Variants in GRM5 observed in about 807,000 individuals in gnomAD.
GRM5 encodes glutamate metabotropic receptor 5, also known as metabotropic glutamate receptor 5.
GRM5 carries 19 observed loss-of-function variants against 83.1 expected under a neutral mutation model. The ratio of observed to expected loss-of-function variants is 0.23; its 90% CI spans 0.16 to 0.34. The LOEUF is 0.34. Ranked by LOEUF, GRM5 falls within the 10% of genes least tolerant of loss-of-function variation. The pLI, the probability that GRM5 is intolerant of heterozygous loss-of-function variation, is 1.00. For missense variants in GRM5, 1,160 were observed against 1,588.3 expected, an observed-to-expected ratio of 0.73 and a Z score of 4.58; for synonymous variants, 675 against 633.6, an observed-to-expected ratio of 1.07 and a Z score of -0.98.
intron 2 of GRM5, among the ~76,000 whole-genome samples, chr11:89,003,811 G>C (rs530247194): frequency 6.6e-6 from 1 of 152,174 alleles, no homozygotes; most frequent in African/African-American, 2.4e-5. Context: ...GTAGTGTTTT[G>C]TGTTTGATCC....
At chr11:88,806,858 T>C (rs1008690305) in intron 3 of GRM5, among the ~76,000 whole-genome samples, 6 of 152,194 alleles carry the variant, frequency 3.9e-5, no homozygotes, top group African/African-American at 9.6e-5. Flanking sequence ...CCAGATAGTA[T>C]TGTTACCTCT....
At chr11:89,043,529 CTGTTT>C (rs561369835) in intron 2 of GRM5, among the ~76,000 whole-genome samples, 142 of 151,270 alleles carry the variant, frequency 9.4e-4, no homozygotes, top group African/African-American at 3.3e-3. Flanking sequence ...AGCATATATT[CTGTTT>C]TATTTCATAT....
intron 3 of GRM5, among the ~76,000 whole-genome samples, chr11:88,846,860 A>G (rs1944310812): frequency 6.6e-6 from 1 of 152,168 alleles, no homozygotes; most frequent in Non-Finnish European, 1.5e-5. Context: ...CACTGATATA[A>G]AATACTAATT....
chr11:88,939,688 G>A (rs1340774398), intron 2 of GRM5, among the ~76,000 whole-genome samples: 4 of 151,586 alleles, frequency 2.6e-5, no homozygotes, highest in African/African-American at 4.8e-5. Context: ...ATTCTAATAC[G>A]TATGTGTGCG....
intron 2 of GRM5, among the ~76,000 whole-genome samples, chr11:88,980,220 C>G (rs988200976): frequency 1.6e-4 from 25 of 152,112 alleles, no homozygotes; most frequent in African/African-American, 6.0e-4. Flanking sequence ...AATACAATAT[C>G]TCTATTACCT....
At chr11:88,794,844 T>C (rs1446938431) in intron 3 of GRM5, among the ~76,000 whole-genome samples, 1 of 152,200 alleles carries the variant, frequency 6.6e-6, no homozygotes, top group Non-Finnish European at 1.5e-5. Flanking sequence ...TCCTCCTAGA[T>C]GGGCTACACA....
At chr11:88,687,530 A>ACACATATATAT (rs1565186971) in intron 3 of GRM5, among the ~76,000 whole-genome samples, 3 of 20,536 alleles carry the variant, frequency 1.5e-4, no homozygotes, top group Admixed American at 8.0e-4. Flanking sequence ...ACACACATAC[A>ACACATATATAT]TATATATACA....
At chr11:88,931,810 T>C (rs1937714406) in intron 2 of GRM5, among the ~76,000 whole-genome samples, 1 of 152,176 alleles carries the variant, frequency 6.6e-6, no homozygotes, top group Admixed American at 6.6e-5. Context: ...TTTGAGGCTT[T>C]TTCATGGTTC....
chr11:88,647,258 G>T (rs1435547569), intron 4 of GRM5, among the ~76,000 whole-genome samples: 1 of 151,982 alleles, frequency 6.6e-6, no homozygotes, highest in Non-Finnish European at 1.5e-5. Flanking sequence ...TTCTAAAGAA[G>T]ATCATACTTT....
chr11:89,005,419 A>G (rs1940497432), intron 2 of GRM5, among the ~76,000 whole-genome samples: 1 of 152,202 alleles, frequency 6.6e-6, no homozygotes, highest in African/African-American at 2.4e-5. Context: ...CAATTTGTCA[A>G]GCTAGGGTCA....
intron 4 of GRM5, among the ~76,000 whole-genome samples, chr11:88,638,322 A>G (rs1315948388): frequency 2.6e-5 from 4 of 152,084 alleles, no homozygotes; most frequent in African/African-American, 9.7e-5. Flanking sequence ...AAAATTTAAA[A>G]AAAGGTATTA....
intron 3 of GRM5, among the ~76,000 whole-genome samples, chr11:88,694,634 A>G (rs954017756): frequency 1.3e-5 from 2 of 152,026 alleles, no homozygotes; most frequent in Non-Finnish European, 2.9e-5. Flanking sequence ...CTAATTCTTC[A>G]GGGTCCCAGA....
chr11:88,748,301 T>C (rs955337406), intron 3 of GRM5, among the ~76,000 whole-genome samples: 3 of 152,064 alleles, frequency 2.0e-5, no homozygotes, highest in East Asian at 1.9e-4. Context: ...AAGCCAACCA[T>C]AGCTATACCT....
chr11:88,674,427 C>A (rs1299459106), intron 3 of GRM5, among the ~76,000 whole-genome samples: 3 of 151,876 alleles, frequency 2.0e-5, no homozygotes, highest in Non-Finnish European at 4.4e-5. Flanking sequence ...TATCTTTAGC[C>A]TTGTTATTCT....
At chr11:88,890,590 T>C (rs952780114) in intron 2 of GRM5, among the ~76,000 whole-genome samples, 1 of 152,144 alleles carries the variant, frequency 6.6e-6, no homozygotes, top group Admixed American at 6.5e-5. Flanking sequence ...TTAAGGATTA[T>C]TGGTAAAATG....
chr11:89,022,505 A>G (rs7101403), intron 2 of GRM5, among the ~76,000 whole-genome samples: 10,539 of 145,704 alleles, frequency 0.072, 924 homozygotes, highest in African/African-American at 0.21. Flanking sequence ...AAAAAAAAAT[A>G]GACAGACGTT....
chr11:88,546,871 T>C (rs1362637566), intron 8 of GRM5, among the ~76,000 whole-genome samples: 1 of 152,040 alleles, frequency 6.6e-6, no homozygotes, highest in Non-Finnish European at 1.5e-5. Flanking sequence ...ATTGAAAAGG[T>C]AAGAAGAGCA....
chr11:88,910,995 T>G (rs912598829), intron 2 of GRM5, among the ~76,000 whole-genome samples: 7 of 152,114 alleles, frequency 4.6e-5, no homozygotes, highest in Non-Finnish European at 8.8e-5. Context: ...GTTTAAATCT[T>G]TTATTGAAAT....
chr11:88,978,912 A>G (rs1939432612), intron 2 of GRM5, among the ~76,000 whole-genome samples: 1 of 152,192 alleles, frequency 6.6e-6, no homozygotes, highest in African/African-American at 2.4e-5. Context: ...CCTAACTTCA[A>G]TTTGTATTTC....
Sources: gnomAD v4.1 joint callset for allele counts (sites outside exome capture counted in the v4.1 genomes callset) on GRCh38, gnomAD v4.1.1 for gene constraint, MANE v1.5 for transcripts, NCBI Gene and HGNC (gene_info 2026-07-23, HGNC 2026-07-21) for gene names.